The following EXOC6B variants were observed in gnomAD, a reference collection of about 807,000 sequenced individuals.
EXOC6B encodes the protein SEC15 homolog B.
A neutral mutation model predicts 113.5 loss-of-function variants in EXOC6B; 54 were observed. The ratio of observed to expected loss-of-function variants is 0.48; its 90% CI spans 0.38 to 0.60. EXOC6B has a LOEUF of 0.60. Ranked by LOEUF, EXOC6B falls within the 20% of genes least tolerant of loss-of-function variation. EXOC6B has a pLI of 0.00. For synonymous variants in EXOC6B, 357 were observed against 339.0 expected (o/e 1.05, Z -0.58); for missense variants, 797 against 977.5 (o/e 0.82, Z 2.46).
intron 6 of EXOC6B, among the ~76,000 whole-genome samples, chr2:72,623,555 A>T (rs1050694618): frequency 3.3e-5 from 5 of 152,182 alleles, no homozygotes; most frequent in Non-Finnish European, 5.9e-5. Flanking sequence ...CCTTAGAGAA[A>T]ACTGCCAAAG....
At chr2:72,198,500 T>C (rs1354278075) in intron 20 of EXOC6B, among the ~76,000 whole-genome samples, 1 of 152,212 alleles carries the variant, frequency 6.6e-6, no homozygotes, top group Non-Finnish European at 1.5e-5. Flanking sequence ...TTTACATAAT[T>C]CTGTGAGATA....
chr2:72,459,896 A>G (rs2105393478), intron 18 of EXOC6B, among the ~76,000 whole-genome samples: 1 of 152,328 alleles, frequency 6.6e-6, no homozygotes, highest in African/African-American at 2.4e-5. Context: ...CCACATCGCC[A>G]AGTCAATCCT....
chr2:72,539,665 G>A (rs1335910447), intron 8 of EXOC6B, among the ~76,000 whole-genome samples: 1 of 151,686 alleles, frequency 6.6e-6, no homozygotes, highest in Admixed American at 6.6e-5. Flanking sequence ...TTTTTTATAG[G>A]TATCTTATCA....
Position 72,275,935 on chromosome 2 carries a change from C to A in EXOC6B, c.2196+59012G>T, listed in dbSNP as rs542453842. Among the ~76,000 whole-genome samples the A allele has an allele frequency of 4.3e-4, 65 of 152,226 alleles. No individual in the cohort carries two copies. In the South Asian group the frequency reaches 0.012, roughly 28 times the overall value. ...AGAGGCCACTCGGAGTTCATGGTAACAATTCATATTTGTAACAGGTTGCCC... is the reference window on the plus strand; with the variant it reads ...AGAGGCCACTCGGAGTTCATGGTAAAAATTCATATTTGTAACAGGTTGCCC... On this transcript the variant is annotated intron_variant, in intron 20 of 21. Coordinates refer to ENST00000272427, the MANE Select transcript of EXOC6B (RefSeq NM_015189.3).
At chr2:72,265,650 T>C (rs530755044) in intron 20 of EXOC6B, among the ~76,000 whole-genome samples, 233 of 151,786 alleles carry the variant, frequency 1.5e-3, no homozygotes, top group South Asian at 3.1e-3. Context: ...ATCCAGTCTA[T>C]CATTGTTGGA....
At chr2:72,267,859 T>C (rs1433728095) in intron 20 of EXOC6B, among the ~76,000 whole-genome samples, 1 of 152,180 alleles carries the variant, frequency 6.6e-6, no homozygotes, top group Non-Finnish European at 1.5e-5. Flanking sequence ...AAATCTCATA[T>C]GCATCAAGAC....
At chr2:72,401,867 G>C (rs1405682263) in intron 18 of EXOC6B, among the ~76,000 whole-genome samples, 1 of 149,258 alleles carries the variant, frequency 6.7e-6, no homozygotes, top group East Asian at 2.0e-4. Context: ...AAAACAGCTA[G>C]AGAAAAAAAA....
At chr2:72,307,283 G>A (rs947897098) in intron 20 of EXOC6B, among the ~76,000 whole-genome samples, 2 of 151,906 alleles carry the variant, frequency 1.3e-5, no homozygotes, top group African/African-American at 4.8e-5. Flanking sequence ...GGGACTACAG[G>A]CGTGCACTAC....
chr2:72,723,797 GA>G (rs1300074133), intron 5 of EXOC6B, among the ~76,000 whole-genome samples: 2 of 148,838 alleles, frequency 1.3e-5, no homozygotes, highest in African/African-American at 2.5e-5. Flanking sequence ...GAACAGACAT[GA>G]TCTCTCACTT....
intron 8 of EXOC6B, among the ~76,000 whole-genome samples, chr2:72,530,699 T>C (rs962464357): frequency 6.6e-6 from 1 of 152,198 alleles, no homozygotes; most frequent in African/African-American, 2.4e-5. Context: ...CAGTGATTCA[T>C]CCATTTACCC....
intron 8 of EXOC6B, among the ~76,000 whole-genome samples, chr2:72,546,285 C>A (rs2105805540): frequency 6.6e-6 from 1 of 152,286 alleles, no homozygotes; most frequent in East Asian, 1.9e-4. Flanking sequence ...CCCATCTCTA[C>A]TAAATATACA....
At chr2:72,471,762 G>C (rs1329393693) in intron 17 of EXOC6B, among the ~76,000 whole-genome samples, 2 of 152,154 alleles carry the variant, frequency 1.3e-5, no homozygotes. Flanking sequence ...TAGTGAGAAT[G>C]AGCATCCTTG....
At chr2:72,313,692 A>G (rs1442386715) in intron 20 of EXOC6B, among the ~76,000 whole-genome samples, 1 of 152,198 alleles carries the variant, frequency 6.6e-6, no homozygotes, top group Non-Finnish European at 1.5e-5. Flanking sequence ...GAATAAAGAA[A>G]TCTCTGAAAC....
intron 18 of EXOC6B, among the ~76,000 whole-genome samples, chr2:72,381,946 TA>T (rs1430431656): frequency 6.6e-6 from 1 of 152,202 alleles, no homozygotes; most frequent in Admixed American, 6.5e-5. Context: ...ATTTGTAGCA[TA>T]AAAAATAATG....
chr2:72,558,150 C>T (rs998058769), intron 8 of EXOC6B, among the ~76,000 whole-genome samples: 15 of 151,868 alleles, frequency 9.9e-5, no homozygotes, highest in Admixed American at 2.6e-4. Flanking sequence ...ACCTGTGAGA[C>T]ATACTTATAT....
At chr2:72,800,843 A>T (rs12619565) in intron 1 of EXOC6B, among the ~76,000 whole-genome samples, 41,798 of 152,082 alleles carry the variant, frequency 0.27, 7,482 homozygotes, top group African/African-American at 0.5. Flanking sequence ...ATAGAACTGG[A>T]TCTAAAGTCA....
chr2:72,396,080 A>T (rs903226967), intron 18 of EXOC6B, among the ~76,000 whole-genome samples: 1 of 152,122 alleles, frequency 6.6e-6, no homozygotes, highest in Non-Finnish European at 1.5e-5. Context: ...CAACTTTCAT[A>T]CACCTAGAAA....
At chr2:72,457,012 GAAA>G (rs112489084) in intron 18 of EXOC6B, among the ~76,000 whole-genome samples, 8 of 140,692 alleles carry the variant, frequency 5.7e-5, no homozygotes, top group African/African-American at 1.8e-4. Context: ...GCATGGGGGG[GAAA>G]AAAAAAAAAG....
intron 1 of EXOC6B, among the ~76,000 whole-genome samples, chr2:72,789,826 G>A (rs1013474408): frequency 6.6e-6 from 1 of 152,056 alleles, no homozygotes; most frequent in Admixed American, 6.6e-5. Flanking sequence ...TTGCAAGTTA[G>A]GGATTTTTCT....
Sources: allele counts gnomAD v4.1 joint callset (sites outside exome capture counted in the v4.1 genomes callset), GRCh38; gene constraint gnomAD v4.1.1; transcripts MANE v1.5; gene names NCBI Gene and HGNC (gene_info 2026-07-23, HGNC 2026-07-21).